SEMA3A: variants seen among roughly 807,000 people sequenced by gnomAD.
The protein encoded by SEMA3A is semaphorin 3A, also known as semaphorin-3A.
In SEMA3A, 29 loss-of-function variants were observed where a neutral mutation model predicts 97.9. That is an observed-to-expected ratio of 0.30 (90% CI 0.22 to 0.40). SEMA3A has a LOEUF of 0.40. Among genes scored for constraint, SEMA3A ranks in the 10% least tolerant of loss-of-function variants. The pLI is 1.00. For missense variants in SEMA3A, 763 were observed against 951.3 expected, an observed-to-expected ratio of 0.80 and a Z score of 2.60; for synonymous variants, 321 against 323.7, an observed-to-expected ratio of 0.99 and a Z score of 0.09.
chr7:84,425,028 A>G (rs1584315213), intron 1 of SEMA3A, among the ~76,000 whole-genome samples: 1 of 103,202 alleles, frequency 9.7e-6, no homozygotes, highest in East Asian at 3.1e-4. Flanking sequence ...ATTTATATAT[A>G]ATTATTTATA....
In SEMA3A at chr7:84,014,121, T is replaced by C. The variant is rs553937330; in HGVS notation, c.810+88A>G. On this transcript the variant is annotated intron_variant, in intron 7 of 16. Coordinates refer to ENST00000265362, the MANE Select transcript of SEMA3A (RefSeq NM_006080.3). ...AGTCAAGCTTTAGCCATAATTTTTA[T>C]TGTATATGCACACAGGTAGAAAATT... is the stretch of plus-strand genomic sequence containing the variant. 9.5e-6 allele frequency: 10 copies of C among 1,048,690 alleles called. 1 individual carries two copies. The Admixed American group carries it at 1.9e-4, about 20-fold the overall frequency. 65.0% of individuals were successfully genotyped at this position (1,048,690 alleles called of 1,614,324 possible).
At chr7:84,480,243 C>T (rs563298253) in intron 1 of SEMA3A, among the ~76,000 whole-genome samples, 7 of 152,064 alleles carry the variant, frequency 4.6e-5, no homozygotes, top group South Asian at 4.1e-4. Flanking sequence ...TTTTCACTCT[C>T]GCTGAATTTC....
intron 2 of SEMA3A, among the ~76,000 whole-genome samples, chr7:84,323,899 A>T (rs1028173017): frequency 2.6e-5 from 4 of 152,158 alleles, no homozygotes; most frequent in African/African-American, 9.6e-5. Flanking sequence ...TTTACATCAA[A>T]CATCTTTCTT....
At chr7:84,186,273 A>T (rs888161005) in intron 1 of SEMA3A, among the ~76,000 whole-genome samples, 1 of 152,090 alleles carries the variant, frequency 6.6e-6, no homozygotes, top group Non-Finnish European at 1.5e-5. Context: ...TACAATATTC[A>T]CTTTATTTAT....
intron 2 of SEMA3A, among the ~76,000 whole-genome samples, chr7:84,133,501 T>C (rs1796024234): frequency 6.6e-6 from 1 of 152,160 alleles, no homozygotes. Flanking sequence ...TTGTGAGTAG[T>C]TGGGGCATAC....
chr7:84,120,168 GT>G (rs1282854037), intron 3 of SEMA3A, among the ~76,000 whole-genome samples: 2 of 151,306 alleles, frequency 1.3e-5, no homozygotes, highest in Non-Finnish European at 2.9e-5. Context: ...AAAAATGTAA[GT>G]TTATCTGTAT....
chr7:84,235,027 G>T (rs962509772), intron 3 of SEMA3A, among the ~76,000 whole-genome samples: 1 of 151,962 alleles, frequency 6.6e-6, no homozygotes, highest in Admixed American at 6.6e-5. Context: ...TGTCTAGAGC[G>T]CAACTTCATG....
At chr7:84,267,889 T>C (rs986700074) in intron 3 of SEMA3A, among the ~76,000 whole-genome samples, 1 of 152,172 alleles carries the variant, frequency 6.6e-6, no homozygotes, top group Non-Finnish European at 1.5e-5. Context: ...TATTTATAAA[T>C]GCTTGCTTGT....
intron 2 of SEMA3A, among the ~76,000 whole-genome samples, chr7:84,342,558 G>T (rs1279756974): frequency 6.6e-6 from 1 of 152,066 alleles, no homozygotes; most frequent in Non-Finnish European, 1.5e-5. Context: ...TACAAATGCA[G>T]GAATAAAGAG....
intron 12 of SEMA3A, among the ~76,000 whole-genome samples, chr7:83,996,578 GGT>G (rs1444466531): frequency 2.6e-5 from 4 of 152,064 alleles, no homozygotes; most frequent in African/African-American, 9.7e-5. Flanking sequence ...TGGGATTAGA[GGT>G]GTGAGCCACC....
chr7:84,264,569 A>C (rs1361237501), intron 3 of SEMA3A, among the ~76,000 whole-genome samples: 1 of 152,200 alleles, frequency 6.6e-6, no homozygotes, highest in Non-Finnish European at 1.5e-5. Flanking sequence ...GATGAAATGC[A>C]TTCATGTATG....
intron 5 of SEMA3A, among the ~76,000 whole-genome samples, chr7:84,055,392 GAT>G (rs1475535252): frequency 6.6e-6 from 1 of 152,222 alleles, no homozygotes; most frequent in Admixed American, 6.5e-5. Context: ...CCAGGTGTGG[GAT>G]ATAGTCTCCT....
At chr7:84,448,552 G>A (rs1016278000) in intron 1 of SEMA3A, among the ~76,000 whole-genome samples, 1 of 151,828 alleles carries the variant, frequency 6.6e-6, no homozygotes, top group Non-Finnish European at 1.5e-5. Flanking sequence ...GCAATTTCAT[G>A]TACAATAGCA....
intron 2 of SEMA3A, among the ~76,000 whole-genome samples, chr7:84,327,486 T>C (rs1320848770): frequency 3.9e-5 from 6 of 151,972 alleles, no homozygotes; most frequent in South Asian, 4.1e-4. Flanking sequence ...CCAAGAATTA[T>C]ACCAGGATTT....
chr7:84,411,528 A>G lies in SEMA3A; in HGVS notation c.-245-39628T>C, dbSNP rs185877622. On this transcript the variant is annotated intron_variant, in intron 1 of 3. Coordinates refer to the SEMA3A transcript ENST00000424555. ...TCAAAAATAATAGACTACTAATATAATTGCATCAGTTTCTTAAAATATTGA... is the reference window on the plus strand; with the variant it reads ...TCAAAAATAATAGACTACTAATATAGTTGCATCAGTTTCTTAAAATATTGA... Among the ~76,000 whole-genome samples the G allele has an allele frequency of 1.2e-3, 182 of 151,274 alleles. 2 individuals are homozygous for G. The highest frequency in any genetic ancestry group is 9.5e-3 in the Admixed American group (144 of 15,130).
At chr7:84,093,694 G>C (rs940474139) in intron 4 of SEMA3A, among the ~76,000 whole-genome samples, 5 of 152,048 alleles carry the variant, frequency 3.3e-5, no homozygotes. Flanking sequence ...ACTAACACAG[G>C]AACAGAAAAC....
chr7:84,268,781 TG>T (rs1418953469), intron 3 of SEMA3A, among the ~76,000 whole-genome samples: 4 of 152,174 alleles, frequency 2.6e-5, no homozygotes, highest in African/African-American at 4.8e-5. Context: ...TTGCAAACTT[TG>T]CTCCTTTAAC....
At chr7:84,403,350 G>A (rs936697828) in intron 1 of SEMA3A, among the ~76,000 whole-genome samples, 5 of 152,230 alleles carry the variant, frequency 3.3e-5, no homozygotes, top group Non-Finnish European at 5.9e-5. Context: ...GGCTGGGGGA[G>A]GGGCACCTGC....
chr7:84,339,992 G>A (rs974314718), intron 2 of SEMA3A, among the ~76,000 whole-genome samples: 5 of 151,902 alleles, frequency 3.3e-5, no homozygotes, highest in African/African-American at 1.2e-4. Flanking sequence ...AAAAAAAACA[G>A]TCAGGGAGGA....
Sources: allele counts gnomAD v4.1 joint callset (sites outside exome capture counted in the v4.1 genomes callset), GRCh38; gene constraint gnomAD v4.1.1; transcripts MANE v1.5; gene names NCBI Gene and HGNC (gene_info 2026-07-23, HGNC 2026-07-21).